The following CFH variants were observed in gnomAD, a reference collection of about 807,000 sequenced individuals.
CFH encodes complement factor H.
Under a neutral mutation model 147.3 loss-of-function variants are expected in CFH, and 53 were observed. The ratio of observed to expected loss-of-function variants is 0.36; its 90% CI spans 0.29 to 0.45. CFH has a LOEUF of 0.45. Ranked by LOEUF, CFH falls within the 20% of genes least tolerant of loss-of-function variation. CFH has a pLI of 1.00. For synonymous variants in CFH, 536 were observed against 489.4 expected, an observed-to-expected ratio of 1.10 and a Z score of -1.26; for missense variants, 1,380 against 1,498.0, an observed-to-expected ratio of 0.92 and a Z score of 1.30.
chr1:196,677,222 T>A, intron 4 of CFH: 1 of 380,936 alleles, frequency 2.6e-6, no homozygotes, highest in East Asian at 4.7e-5. Flanking sequence ...AGTTTGTTAC[T>A]ACAAAAATAC....
chr1:196,655,502 A>C (rs928687901), intron 1 of CFH, among the ~76,000 whole-genome samples: 9 of 152,244 alleles, frequency 5.9e-5, no homozygotes, highest in African/African-American at 1.7e-4. Context: ...GTAAGTTCCC[A>C]AATATAAGTT....
chr1:196,696,446 G>T (rs1352704895), intron 9 of CFH, among the ~76,000 whole-genome samples: 1 of 152,124 alleles, frequency 6.6e-6, no homozygotes, highest in Non-Finnish European at 1.5e-5. Context: ...GAATATCTGG[G>T]ACACAGTTAA....
intron 9 of CFH, among the ~76,000 whole-genome samples, chr1:196,704,498 G>C (rs968044308): frequency 2.6e-5 from 4 of 152,176 alleles, no homozygotes; most frequent in African/African-American, 9.7e-5. Flanking sequence ...CATGTGCTCT[G>C]CAGGCCATAT....
At chr1:196,682,817 T>C (rs1261776234) in intron 6 of CFH, among the ~76,000 whole-genome samples, 2 of 151,682 alleles carry the variant, frequency 1.3e-5, no homozygotes, top group Admixed American at 1.3e-4. Context: ...ATATTGTTTC[T>C]CATATAATTA....
rs1180008280 is a variant in CFH at position 196,673,034 on chromosome 1, G to A, written c.115G>A (p.Asp39Asn). ...AGAAATTCTGACAGGTTCCTGGTCT[G>A]ACCAAACATATCCAGAAGGCACCCA... ...NTEILTGSWS[D>N]QTYPEGTQAI... Residue 39 changes from aspartate to asparagine, a missense_variant, in exon 2 of 22, where the codon GAC becomes AAC. This residue lies in a region of CFH where 260 missense variants were observed against 263.3 expected (regional missense o/e 0.99). Coordinates refer to ENST00000367429, the MANE Select transcript of CFH (RefSeq NM_000186.4). 3.1e-6 allele frequency: 5 copies of A among 1,613,932 alleles called. No individual in the cohort carries two copies. The highest frequency in any genetic ancestry group is 4.2e-6 in the Non-Finnish European group (5 of 1,179,982).
intron 3 of CFH, among the ~76,000 whole-genome samples, chr1:196,674,981 G>C (rs1667406816): frequency 6.6e-6 from 1 of 152,130 alleles, no homozygotes; most frequent in South Asian, 2.1e-4. Context: ...GTCACTACCT[G>C]AGGGAGGTTT....
At chr1:196,691,768 T>A (rs1288077343) in intron 9 of CFH, among the ~76,000 whole-genome samples, 1 of 151,978 alleles carries the variant, frequency 6.6e-6, no homozygotes, top group East Asian at 1.9e-4. Context: ...TACATAATAG[T>A]CAATCTTTTT....
chr1:196,689,331 A>C, intron 7 of CFH, 89 bp from the exon 8 acceptor site: 2 of 1,195,470 alleles, frequency 1.7e-6, no homozygotes, highest in Middle Eastern at 2.4e-4. Context: ...TAAGAAGAGA[A>C]TATAATTCAG....
intron 11 of CFH, among the ~76,000 whole-genome samples, chr1:196,719,917 T>C (rs559678270): frequency 4.0e-5 from 6 of 151,768 alleles, no homozygotes; most frequent in African/African-American, 9.6e-5. Context: ...TAATTATGTG[T>C]TTTTTATATT....
chr1:196,734,825 C>T (rs1446331556), intron 15 of CFH, among the ~76,000 whole-genome samples: 4 of 151,902 alleles, frequency 2.6e-5, no homozygotes, highest in African/African-American at 9.7e-5. Context: ...AAATTTTCTC[C>T]ATTTGCTCTG....
intron 1 of CFH, among the ~76,000 whole-genome samples, chr1:196,658,278 C>CACTT (rs2149067863): frequency 6.6e-6 from 1 of 152,028 alleles, no homozygotes; most frequent in South Asian, 2.1e-4. Context: ...GACAGGGAAT[C>CACTT]ACTTTGTCAC....
intron 1 of CFH, among the ~76,000 whole-genome samples, chr1:196,655,981 G>A (rs144888562): frequency 6.6e-6 from 1 of 152,274 alleles, no homozygotes; most frequent in African/African-American, 2.4e-5. Flanking sequence ...CATAAACCTT[G>A]TTAACTGGAA....
intron 1 of CFH, among the ~76,000 whole-genome samples, chr1:196,658,061 T>A (rs1050724547): frequency 3.9e-5 from 6 of 152,128 alleles, no homozygotes; most frequent in African/African-American, 1.2e-4. Flanking sequence ...CCCCTTAAAA[T>A]TTGAAAGTGA....
In CFH at chr1:196,713,917, A is replaced by G; in HGVS notation, c.1519A>G (p.Lys507Glu). The change falls in exon 10 of 22, where the codon AAA (lysine) becomes GAA (glutamate). Residue 507 changes from lysine to glutamate, a missense_variant and splice_region_variant. By Grantham distance (56) the Lys-to-Glu change is moderately conservative. Around this residue, in one of 4 missense-constraint regions of CFH, gnomAD observed 830 missense variants for 821.4 expected, o/e 1.01. Coordinates refer to ENST00000367429, the MANE Select transcript of CFH (RefSeq NM_000186.4). ...ATGGTCAGCTCAACCCACGTGCATT[A>G]GTAAGTAATTTATTATGTTTGTATT... ...DGWSAQPTCI[K>E]SCDIPVFMNA... 1 of 1,611,480 alleles carries G rather than the reference A, an allele frequency of 6.2e-7. No individual in the cohort carries two copies. Among genetic ancestry groups the G allele is most frequent in the Non-Finnish European group, 8.5e-7 (1 of 1,178,184 alleles).
At chr1:196,739,757 T>G (rs1369164800) in intron 17 of CFH, among the ~76,000 whole-genome samples, 1 of 152,206 alleles carries the variant, frequency 6.6e-6, no homozygotes, top group East Asian at 1.9e-4. Flanking sequence ...CTGCCTGTTA[T>G]CCAGTTCCAA....
At chr1:196,695,366 A>G (rs1366434007) in intron 9 of CFH, among the ~76,000 whole-genome samples, 2 of 152,020 alleles carry the variant, frequency 1.3e-5, no homozygotes, top group African/African-American at 4.8e-5. Context: ...ATTGGCCTAT[A>G]TATCTGTTCT....
intron 20 of CFH, among the ~76,000 whole-genome samples, chr1:196,744,175 A>ATT (rs34347090): frequency 0.042 from 6,239 of 149,782 alleles, 402 homozygotes; most frequent in African/African-American, 0.14. Context: ...GTTTTTCTGT[A>ATT]TTTTTTTTTT....
At chr1:196,688,840 C>T (rs1013015190) in intron 7 of CFH, among the ~76,000 whole-genome samples, 1 of 152,048 alleles carries the variant, frequency 6.6e-6, no homozygotes, top group Non-Finnish European at 1.5e-5. Flanking sequence ...TCTCGAACTC[C>T]TTACGAGTGA....
intron 9 of CFH, among the ~76,000 whole-genome samples, chr1:196,697,202 A>G (rs1198718676): frequency 1.3e-5 from 2 of 152,212 alleles, no homozygotes; most frequent in Non-Finnish European, 1.5e-5. Flanking sequence ...AGAAACTACC[A>G]TCAGAGTGAA....
Sources: allele counts gnomAD v4.1 joint callset (sites outside exome capture counted in the v4.1 genomes callset), GRCh38; gene constraint gnomAD v4.1.1; regional missense constraint gnomAD v4.1.1; transcripts MANE v1.5; gene names NCBI Gene and HGNC (gene_info 2026-07-23, HGNC 2026-07-21).